TNRC6B: variants seen among roughly 807,000 people sequenced by gnomAD.
The protein encoded by TNRC6B is trinucleotide repeat containing adaptor 6B.
A neutral mutation model predicts 203.6 loss-of-function variants in TNRC6B; 52 were observed. The ratio of observed to expected loss-of-function variants is 0.26; its 90% CI spans 0.20 to 0.32. The LOEUF (loss-of-function observed/expected upper bound fraction) is 0.32. Ranked by LOEUF, TNRC6B falls within the 10% of genes least tolerant of loss-of-function variation. The pLI, the probability that TNRC6B is intolerant of heterozygous loss-of-function variation, is 1.00. For synonymous variants in TNRC6B, 838 were observed against 845.7 expected, an observed-to-expected ratio of 0.99 and a Z score of 0.16; for missense variants, 1,923 against 2,286.2, an observed-to-expected ratio of 0.84 and a Z score of 3.24.
intron 1 of TNRC6B, among the ~76,000 whole-genome samples, chr22:40,108,354 G>T (rs566603321): frequency 3.9e-5 from 6 of 152,342 alleles, no homozygotes; most frequent in African/African-American, 1.4e-4. Context: ...CACCACGGAG[G>T]TTAGCTTGGT....
intron 1 of TNRC6B, 137 bp downstream of exon 1, chr22:40,178,277 TCAGA>T: frequency 3.1e-6 from 3 of 980,770 alleles, no homozygotes; most frequent in South Asian, 3.3e-5. Flanking sequence ...TCTGTGTAAA[TCAGA>T]CCCGTGATGT....
chr22:40,297,620 G>A (rs922789440), intron 12 of TNRC6B, among the ~76,000 whole-genome samples: 1 of 152,100 alleles, frequency 6.6e-6, no homozygotes, highest in Non-Finnish European at 1.5e-5. Flanking sequence ...TCAGGAGTTC[G>A]AGATCAGCCT....
At chr22:40,273,941 C>G (rs2070601550) in intron 7 of TNRC6B, among the ~76,000 whole-genome samples, 1 of 152,146 alleles carries the variant, frequency 6.6e-6, no homozygotes, top group South Asian at 2.1e-4. Context: ...GCTACCATGC[C>G]TAGCCAGAAC....
upstream of TNRC6B, among the ~76,000 whole-genome samples, chr22:40,173,384 G>A (rs1053067993): frequency 3.3e-5 from 5 of 149,954 alleles, no homozygotes; most frequent in African/African-American, 4.9e-5. Context: ...GAGCCATCAC[G>A]CCTGGCCTAG....
At chr22:40,068,303 C>T (rs534355036) in intron 1 of TNRC6B, among the ~76,000 whole-genome samples, 9 of 151,988 alleles carry the variant, frequency 5.9e-5, no homozygotes, top group Admixed American at 1.3e-4. Flanking sequence ...CTTTTACTTA[C>T]GTGGTTTGTT....
chr22:40,054,997 A>G (rs572721523), intron 1 of TNRC6B, among the ~76,000 whole-genome samples: 17 of 152,274 alleles, frequency 1.1e-4, no homozygotes, highest in East Asian at 3.9e-4. Flanking sequence ...AGATTGCACC[A>G]TTAAGCTCCA....
Position 40,300,414 on chromosome 22 carries a change from A to G in TNRC6B, c.3709-41A>G, listed in dbSNP as rs201714683. 6.9e-5 allele frequency: 103 copies of G among 1,487,892 alleles called. No homozygotes were observed. In the South Asian group the frequency reaches 1.2e-3, roughly 18 times the overall value. 92.2% of individuals were successfully genotyped at this position (1,487,892 alleles called of 1,614,324 possible). On this transcript the variant is annotated intron_variant, in intron 12 of 22. Coordinates refer to ENST00000454349, the MANE Select transcript of TNRC6B (RefSeq NM_001162501.2). ...ACAGTTTTATTTTGATAAATTCTGA[A>G]GATTCCTTTTCTTTTCTTTCTTTTT...
At chr22:40,108,812 A>G (rs2068308408) in intron 1 of TNRC6B, among the ~76,000 whole-genome samples, 1 of 152,206 alleles carries the variant, frequency 6.6e-6, no homozygotes, top group Admixed American at 6.5e-5. Flanking sequence ...CATGTGCAGG[A>G]TGTGCAGGTT....
chr22:40,179,914 A>G (rs1294459215), intron 1 of TNRC6B, among the ~76,000 whole-genome samples: 1 of 152,230 alleles, frequency 6.6e-6, no homozygotes, highest in African/African-American at 2.4e-5. Flanking sequence ...CTCTGTCTCT[A>G]ACAAGCAAGG....
Position 40,264,972 on chromosome 22 carries a change from G to A in TNRC6B, c.742G>A (p.Ala248Thr). ...AGGAAAAGGGAGCCAGTGCCAGTCTGCAAGTTCTGGGAACGAATGTAATCT... is the reference window on the plus strand; with the variant it reads ...AGGAAAAGGGAGCCAGTGCCAGTCTACAAGTTCTGGGAACGAATGTAATCT... ...NKGKGSQCQSASSGNECNLGV... is the reference protein window; with the variant it reads ...NKGKGSQCQSTSSGNECNLGV... The change falls in exon 5 of 23, where the codon GCA becomes ACA. Residue 248 changes from alanine to threonine, a missense_variant. By Grantham distance (58) the Ala-to-Thr change is moderately conservative (BLOSUM62 0). This residue lies in a region of TNRC6B where 614 missense variants were observed against 587.7 expected (regional missense o/e 1.04). Coordinates refer to ENST00000454349, the MANE Select transcript of TNRC6B (RefSeq NM_001162501.2). 1.2e-6 allele frequency: 2 copies of A among 1,613,930 alleles called. No individual in the cohort carries two copies. The highest frequency in any genetic ancestry group is 1.7e-6 in the Non-Finnish European group (2 of 1,179,882).
rs768725662 is a variant in TNRC6B at position 40,178,091 on chromosome 22, A to G, written c.-45A>G. 1.2e-6 allele frequency: 2 copies of G among 1,608,326 alleles called. No homozygotes were observed. The highest frequency in any genetic ancestry group is 1.1e-5 in the South Asian group (1 of 89,688). On this transcript the variant is annotated 5_prime_UTR_variant, in exon 1 of 23. Coordinates refer to ENST00000454349, the MANE Select transcript of TNRC6B (RefSeq NM_001162501.2). ...TGGACCTTTTTTCATTTCCATTTCTACCTTGTATGCCTCAATTTGCTGGAT... is the reference window on the plus strand; with the variant it reads ...TGGACCTTTTTTCATTTCCATTTCTGCCTTGTATGCCTCAATTTGCTGGAT...
chr22:40,109,476 C>T (rs1011303929), intron 1 of TNRC6B, among the ~76,000 whole-genome samples: 27 of 152,104 alleles, frequency 1.8e-4, no homozygotes, highest in African/African-American at 5.1e-4. Flanking sequence ...ATAAAATCAC[C>T]GTTCTGACTT....
rs2070146682 is a variant in TNRC6B at position 40,248,967 on chromosome 22, A to G, written c.94-2212A>G. On this transcript the variant is annotated intron_variant, in intron 2 of 22. Coordinates refer to ENST00000454349, the MANE Select transcript of TNRC6B (RefSeq NM_001162501.2). ...CCATGTGATTATCTTCGTGGTTTCC[A>G]ACCTTATTGTAGAGACATCACCTCA... 2.0e-5 allele frequency among the ~76,000 whole-genome samples: 3 copies of G among 152,236 alleles called. No individual in the cohort carries two copies. The South Asian group carries it at 6.2e-4, about 31-fold the overall frequency.
chr22:40,122,719 C>T (rs182857085), intron 2 of TNRC6B, among the ~76,000 whole-genome samples: 2 of 152,154 alleles, frequency 1.3e-5, no homozygotes, highest in African/African-American at 4.8e-5. Flanking sequence ...AAATGGAGAT[C>T]ACTGGGGATC....
At chr22:40,235,277 A>G (rs1362199606) in intron 1 of TNRC6B, among the ~76,000 whole-genome samples, 1 of 152,170 alleles carries the variant, frequency 6.6e-6, no homozygotes, top group East Asian at 1.9e-4. Flanking sequence ...AGTAGAATTC[A>G]TTCTCACTGG....
At chr22:40,235,572 C>CT (rs781771829) in intron 1 of TNRC6B, among the ~76,000 whole-genome samples, 2 of 152,134 alleles carry the variant, frequency 1.3e-5, no homozygotes, top group Non-Finnish European at 2.9e-5. Context: ...GCCAGAGGGG[C>CT]TTGGAATTGG....
At chr22:40,229,289 T>C (rs1253299517) in intron 1 of TNRC6B, among the ~76,000 whole-genome samples, 1 of 152,194 alleles carries the variant, frequency 6.6e-6, no homozygotes, top group Non-Finnish European at 1.5e-5. Context: ...GAGAATTATC[T>C]GTGCAGAAGT....
chr22:40,206,372 A>G (rs1204162203), intron 1 of TNRC6B, among the ~76,000 whole-genome samples: 1 of 152,190 alleles, frequency 6.6e-6, no homozygotes, highest in Non-Finnish European at 1.5e-5. Flanking sequence ...AATACTAGAA[A>G]TGTGGGACCA....
At chr22:40,068,096 C>A (rs1361348976) in intron 1 of TNRC6B, among the ~76,000 whole-genome samples, 2 of 152,076 alleles carry the variant, frequency 1.3e-5, no homozygotes. Context: ...TTTTCCAGCA[C>A]CCTAAGATCC....
Sources: gnomAD v4.1 joint callset for allele counts (sites outside exome capture counted in the v4.1 genomes callset) on GRCh38, gnomAD v4.1.1 for gene constraint, gnomAD v4.1.1 regional missense constraint, MANE v1.5 for transcripts, NCBI Gene and HGNC (gene_info 2026-07-23, HGNC 2026-07-21) for gene names.